PDZD2: variants seen among roughly 807,000 people sequenced by gnomAD.
PDZD2 encodes the protein PDZ domain-containing protein 2.
A neutral mutation model predicts 220.7 loss-of-function variants in PDZD2; 90 were observed. That is an observed-to-expected ratio of 0.41 (90% CI 0.34 to 0.49). The LOEUF (loss-of-function observed/expected upper bound fraction) is 0.49, where lower values mean the gene tolerates loss of function less well. Among genes scored for constraint, PDZD2 ranks in the 20% least tolerant of loss-of-function variants. PDZD2 has a pLI of 0.28. For missense variants in PDZD2, 3,174 were observed against 3,608.5 expected (o/e 0.88, Z 3.08); for synonymous variants, 1,375 against 1,450.5 (o/e 0.95, Z 1.18).
At chr5:31,779,660 A>G (rs992576213) in intron 1 of PDZD2, among the ~76,000 whole-genome samples, 2 of 152,072 alleles carry the variant, frequency 1.3e-5, no homozygotes, top group Admixed American at 1.3e-4. Flanking sequence ...GGTGTGAGCC[A>G]CCGCGCCCGG....
At chr5:31,706,142 A>G (rs1747811123) in intron 1 of PDZD2, among the ~76,000 whole-genome samples, 1 of 152,210 alleles carries the variant, frequency 6.6e-6, no homozygotes, top group African/African-American at 2.4e-5. Context: ...AACTGGATTA[A>G]CGGCTGAATG....
At chr5:31,872,142 G>GGTGTGTGTGTGT (rs55806241) in intron 2 of PDZD2, among the ~76,000 whole-genome samples, 4,679 of 147,672 alleles carry the variant, frequency 0.032, 110 homozygotes, top group Admixed American at 0.04. Flanking sequence ...TAAGGTGAGT[G>GGTGTGTGTGTGT]GTGTGTGTGT....
chr5:31,975,249 T>C (rs2111811838), intron 2 of PDZD2, among the ~76,000 whole-genome samples: 1 of 152,282 alleles, frequency 6.6e-6, no homozygotes, highest in African/African-American at 2.4e-5. Context: ...CTCACAATCA[T>C]GGTAGAAGGC....
At chr5:32,095,072 A>C (rs1352581923) in intron 21 of PDZD2, among the ~76,000 whole-genome samples, 3 of 152,296 alleles carry the variant, frequency 2.0e-5, no homozygotes, top group Middle Eastern at 3.4e-3. Context: ...TTTACCCCAG[A>C]CATTTTAGTG....
At chr5:31,690,886 CATG>C (rs532555549) in intron 1 of PDZD2, among the ~76,000 whole-genome samples, 5 of 152,128 alleles carry the variant, frequency 3.3e-5, no homozygotes, top group South Asian at 2.1e-4. Context: ...GAATGCTACC[CATG>C]ATGATGATGA....
chr5:32,089,383 A>T lies in PDZD2; in HGVS notation c.5935A>T (p.Ile1979Phe), dbSNP rs770716458. Residue 1979 changes from isoleucine (I) to phenylalanine (F), a missense_variant, in exon 20 of 25, where the codon ATC becomes TTC. Ile to Phe is a conservative substitution (Grantham distance 21). Coordinates refer to ENST00000438447, the MANE Select transcript of PDZD2 (RefSeq NM_178140.4). ...PLKPSVSDTS[I>F]RTFVSPLTSP... The stretch of plus-strand genomic sequence containing the variant: ...GAAACCCTCAGTGTCTGACACGAGC[A>T]TCAGGACATTTGTCTCGCCCCTGAC... 6.2e-7 allele frequency: 1 copy of T among 1,614,100 alleles called. No homozygotes were observed. The highest frequency in any genetic ancestry group is 2.2e-5 in the East Asian group (1 of 44,880).
intron 2 of PDZD2, among the ~76,000 whole-genome samples, chr5:31,850,638 T>C (rs957938775): frequency 3.4e-5 from 5 of 148,468 alleles, no homozygotes; most frequent in East Asian, 2.0e-4. Context: ...CAAATTCTTT[T>C]TTTTTTTTTT....
intron 19 of PDZD2, among the ~76,000 whole-genome samples, chr5:32,084,706 A>T (rs1742271633): frequency 6.6e-6 from 1 of 152,160 alleles, no homozygotes; most frequent in Non-Finnish European, 1.5e-5. Context: ...ATAGTTCCTA[A>T]GAAAATAGCT....
rs11308439 is a variant in PDZD2, at chr5:31,885,920, G to GT, written c.476+86207dup. Among the ~76,000 whole-genome samples, 258 of 148,152 alleles carry GT rather than the reference G, an allele frequency of 1.7e-3. 4 individuals carry two copies. The East Asian group carries it at 0.037, about 21-fold the overall frequency. ...TTGTTGTTTTTGAGTTAGTTTTTTGGTTTTTTTTTTTAAAATAATTTCTCT... is the reference window on the plus strand; with the variant it reads ...TTGTTGTTTTTGAGTTAGTTTTTTGGTTTTTTTTTTTTAAAATAATTTCTCT... On this transcript the variant is annotated intron_variant, in intron 2 of 24. Transcript: ENST00000438447.
At chr5:31,938,421 A>G (rs1249897848) in intron 2 of PDZD2, among the ~76,000 whole-genome samples, 1 of 152,192 alleles carries the variant, frequency 6.6e-6, no homozygotes, top group Non-Finnish European at 1.5e-5. Context: ...CAACAATAGT[A>G]AAGAAATATT....
In PDZD2 at chr5:31,878,705, C is replaced by T. The variant is rs1331689500; in HGVS notation, c.476+78981C>T. On this transcript the variant is annotated intron_variant, in intron 2 of 24. Transcript: ENST00000438447. ...CCTCCTGAGTAGCTGGGACTACAGG[C>T]GCCCGCCACCTCGCCCAGCTAATTT... Among the ~76,000 whole-genome samples, 4 of 151,586 alleles carry T rather than the reference C, an allele frequency of 2.6e-5. No individual in the cohort carries two copies. In the East Asian group the frequency reaches 5.9e-4, roughly 22 times the overall value.
chr5:31,670,711 G>A lies in PDZD2; in HGVS notation c.-361+31274G>A, dbSNP rs369105318. 3.5e-3 allele frequency among the ~76,000 whole-genome samples: 538 copies of A among 152,122 alleles called. 1 individual carries two copies. The highest frequency in any genetic ancestry group is 0.01 in the Middle Eastern group (3 of 294). On this transcript the variant is annotated intron_variant, in intron 1 of 24. Transcript: ENST00000438447. ...GCTGGGATTACAGACGTGAGCCACCGCGCCCGGCCAGTTTGCGTTTCTTTT... is the reference window on the plus strand; with the variant it reads ...GCTGGGATTACAGACGTGAGCCACCACGCCCGGCCAGTTTGCGTTTCTTTT...
intron 2 of PDZD2, among the ~76,000 whole-genome samples, chr5:31,932,568 GAA>G: frequency 6.6e-6 from 1 of 151,650 alleles, no homozygotes; most frequent in Non-Finnish European, 1.5e-5. Context: ...AAGAAAGAAA[GAA>G]AGAAAGAAAG....
At position 32,088,425 on chromosome 5, in the gene PDZD2, C is replaced by T. The variant is rs1464903867; in HGVS notation, c.4977C>T (p.Gly1659=). 3 of 1,613,946 alleles carry T rather than the reference C, an allele frequency of 1.9e-6. No homozygotes were observed. The part of the protein sequence containing the change: ...AACLPGSYTS[G]PDSSQPSSLL... ...GCTTGCCAGGCTCATACACTTCAGG[C>T]CCAGACTCTTCCCAGCCATCATCAC... Residue 1659 remains glycine, a synonymous_variant, in exon 20 of 25, where the codon GGC becomes GGT. Coordinates refer to ENST00000438447, the MANE Select transcript of PDZD2 (RefSeq NM_178140.4). This position sits in a 1 kb window ranked among gnomAD's most constrained non-coding sequence, Gnocchi z 4.6.
Position 32,072,209 on chromosome 5 carries a change from G to T in PDZD2, c.2617G>T (p.Val873Phe), listed in dbSNP as rs199692055. The change falls in exon 17 of 25, where the codon GTC (valine) becomes TTC (phenylalanine). Residue 873 changes from valine (V) to phenylalanine (F), a missense_variant. Val to Phe is a conservative substitution (Grantham distance 50, BLOSUM62 -1). This residue lies in a region of PDZD2 where 1,861 missense variants were observed against 2,001.0 expected (regional missense o/e 0.93). Transcript: ENST00000438447. ...ACTCTCCCAGTACTTTGCCCACGAT[G>T]TCCCTGGCCCCTTGTCAGACTTCAT... is the stretch of plus-strand genomic sequence containing the variant. ...SELSQYFAHDVPGPLSDFMVA... is the reference protein window; with the variant it reads ...SELSQYFAHDFPGPLSDFMVA... The T allele has an allele frequency of 1.5e-4, 241 of 1,613,568 alleles. No individual in the cohort carries two copies. Among genetic ancestry groups the T allele is most frequent in the Non-Finnish European group, 1.9e-4 (228 of 1,179,468 alleles).
intron 8 of PDZD2, among the ~76,000 whole-genome samples, chr5:32,049,112 C>A (rs1014453670): frequency 6.6e-6 from 1 of 151,996 alleles, no homozygotes; most frequent in Non-Finnish European, 1.5e-5. Context: ...GGAGTCCTAC[C>A]TGTTACACAG....
intron 2 of PDZD2, among the ~76,000 whole-genome samples, chr5:31,893,541 GC>G (rs2150350394): frequency 6.6e-6 from 1 of 152,314 alleles, no homozygotes; most frequent in South Asian, 2.1e-4. Context: ...CTGCAGTCCA[GC>G]CTGGGTGACA....
At chr5:31,774,262 A>T (rs1167904210) in intron 1 of PDZD2, among the ~76,000 whole-genome samples, 1 of 152,128 alleles carries the variant, frequency 6.6e-6, no homozygotes, top group Non-Finnish European at 1.5e-5. Flanking sequence ...AGAGGGTAAA[A>T]ACCTGGGAGG....
At chr5:31,863,769 A>T (rs143316322) in intron 2 of PDZD2, among the ~76,000 whole-genome samples, 2 of 152,206 alleles carry the variant, frequency 1.3e-5, no homozygotes, top group African/African-American at 4.8e-5. Context: ...AAGTTTACAC[A>T]TAAAGAAATT....
Sources: gnomAD v4.1 joint callset for allele counts (sites outside exome capture counted in the v4.1 genomes callset) on GRCh38, gnomAD v4.1.1 for gene constraint, gnomAD v4.1.1 regional missense constraint, Gnocchi (gnomAD v3.1) non-coding constraint, MANE v1.5 for transcripts, NCBI Gene and HGNC (gene_info 2026-07-23, HGNC 2026-07-21) for gene names.